The following DIS3L2 variants were observed in gnomAD, a reference collection of about 807,000 sequenced individuals.
The protein encoded by DIS3L2 is DIS3-like exonuclease 2.
Under a neutral mutation model 97.5 loss-of-function variants are expected in DIS3L2, and 34 were observed. The ratio of observed to expected loss-of-function variants is 0.35; its 90% CI spans 0.27 to 0.46. The LOEUF (loss-of-function observed/expected upper bound fraction) is 0.46, where lower values mean the gene tolerates loss of function less well. Ranked by LOEUF, DIS3L2 falls within the 20% of genes least tolerant of loss-of-function variation. The pLI, the probability that DIS3L2 is intolerant of heterozygous loss-of-function variation, is 1.00. For synonymous variants in DIS3L2, 435 were observed against 445.2 expected (o/e 0.98, Z 0.29); for missense variants, 1,038 against 1,146.0 (o/e 0.91, Z 1.36).
At chr2:232,267,398 C>A (rs533050620) in intron 13 of DIS3L2, among the ~76,000 whole-genome samples, 13 of 152,306 alleles carry the variant, frequency 8.5e-5, no homozygotes, top group African/African-American at 3.1e-4. Context: ...GCTTAGAAAG[C>A]AAATGCAGAT....
intron 9 of DIS3L2, 41 bp downstream of exon 9, chr2:232,163,673 C>G: frequency 1.3e-6 from 2 of 1,586,914 alleles, no homozygotes; most frequent in Non-Finnish European, 1.7e-6. Flanking sequence ...ATCTCCCTTT[C>G]TGCCTTAACT....
At chr2:232,096,778 C>A (rs1312787067) in intron 6 of DIS3L2, among the ~76,000 whole-genome samples, 1 of 151,974 alleles carries the variant, frequency 6.6e-6, no homozygotes, top group African/African-American at 2.4e-5. Context: ...TTTTTTTAAT[C>A]ATTTCAATCT....
At position 232,281,891 on chromosome 2, in the gene DIS3L2, C is replaced by T. The variant is rs76887783; in HGVS notation, c.1660-18149C>T. On this transcript the variant is annotated intron_variant, in intron 13 of 20. Transcript: ENST00000325385. This position sits in a 1 kb window ranked among gnomAD's most constrained non-coding sequence, Gnocchi z 4.1. ...TGAGTTAAAGAGACATGGGAAGCAT[C>T]GGGATTGCTCATACCTCCCAAAGTA... Among the ~76,000 whole-genome samples the T allele has an allele frequency of 9.7e-3, 1,481 of 151,900 alleles. 13 individuals carry two copies. Among genetic ancestry groups the T allele is most frequent in the Non-Finnish European group, 0.015 (1,045 of 67,802 alleles).
intron 5 of DIS3L2, among the ~76,000 whole-genome samples, chr2:232,067,191 T>G (rs1400134795): frequency 2.0e-5 from 3 of 152,164 alleles, no homozygotes; most frequent in Admixed American, 1.3e-4. Context: ...TTAAATTAGC[T>G]TCTTATACTT....
chr2:232,054,593 A>G (rs1695493518), intron 5 of DIS3L2, among the ~76,000 whole-genome samples: 1 of 150,144 alleles, frequency 6.7e-6, no homozygotes, highest in South Asian at 2.3e-4. Context: ...AGTAAGTTAA[A>G]TGGCTTTCCT....
intron 8 of DIS3L2, among the ~76,000 whole-genome samples, chr2:232,157,226 G>A (rs1209447850): frequency 6.6e-6 from 1 of 152,158 alleles, no homozygotes; most frequent in Admixed American, 6.5e-5. Flanking sequence ...CAACTGTAGA[G>A]ATGAGCATTA....
chr2:231,997,041 C>T (rs1462019068), intron 1 of DIS3L2, among the ~76,000 whole-genome samples: 1 of 152,212 alleles, frequency 6.6e-6, no homozygotes, highest in Non-Finnish European at 1.5e-5. Flanking sequence ...CTGTCTCCTC[C>T]CCTAGATTGT....
rs1690182783 is a variant in DIS3L2 at position 232,145,096 on chromosome 2, T to C, written c.950+8377T>C. Reference sequence around the variant, plus strand: ...TGTGTAATATTCTGTTTCTGCTTAATTTCACCCATTCATTTTAGCATACAT... The same window carrying C: ...TGTGTAATATTCTGTTTCTGCTTAACTTCACCCATTCATTTTAGCATACAT... On this transcript the variant is annotated intron_variant, in intron 8 of 20. Transcript: ENST00000325385. 2.6e-5 allele frequency among the ~76,000 whole-genome samples: 4 copies of C among 152,344 alleles called. 1 individual carries two copies. In the South Asian group the frequency reaches 6.2e-4, roughly 24 times the overall value.
intron 1 of DIS3L2, among the ~76,000 whole-genome samples, chr2:231,968,636 A>C (rs1226959450): frequency 1.3e-5 from 2 of 152,194 alleles, no homozygotes; most frequent in African/African-American, 4.8e-5. Flanking sequence ...GTTGTTTCCA[A>C]TTTTAGTTAT....
At chr2:232,073,471 A>AC (rs1696094746) in intron 5 of DIS3L2, among the ~76,000 whole-genome samples, 1 of 152,004 alleles carries the variant, frequency 6.6e-6, no homozygotes, top group Non-Finnish European at 1.5e-5. Flanking sequence ...GTTGATAGCA[A>AC]CCCCCTGCCT....
intron 9 of DIS3L2, among the ~76,000 whole-genome samples, chr2:232,189,619 C>T (rs1010083898): frequency 6.6e-6 from 1 of 152,098 alleles, no homozygotes; most frequent in Admixed American, 6.5e-5. Context: ...TTGAGGGATC[C>T]TTGAGACAAT....
intron 5 of DIS3L2, among the ~76,000 whole-genome samples, chr2:232,079,913 G>A (rs1696336855): frequency 6.6e-6 from 1 of 152,194 alleles, no homozygotes; most frequent in South Asian, 2.1e-4. Context: ...AGAACATGAG[G>A]ATAGAAAAAT....
At chr2:232,147,109 A>G (rs1432093413) in intron 8 of DIS3L2, among the ~76,000 whole-genome samples, 1 of 152,094 alleles carries the variant, frequency 6.6e-6, no homozygotes, top group East Asian at 1.9e-4. Flanking sequence ...TTTCTGCTCC[A>G]AGATTTTTAA....
intron 8 of DIS3L2, among the ~76,000 whole-genome samples, chr2:232,142,140 A>C (rs1257365580): frequency 6.6e-6 from 1 of 151,702 alleles, no homozygotes; most frequent in African/African-American, 2.4e-5. Flanking sequence ...GCATTACCAG[A>C]TCTATAGAGT....
intron 13 of DIS3L2, among the ~76,000 whole-genome samples, chr2:232,289,109 C>T (rs1229596331): frequency 6.6e-6 from 1 of 152,060 alleles, no homozygotes; most frequent in Non-Finnish European, 1.5e-5. Context: ...TACAACAAAC[C>T]CCATCGAACA....
chr2:232,210,825 G>A (rs571774877), intron 10 of DIS3L2, among the ~76,000 whole-genome samples: 1 of 151,894 alleles, frequency 6.6e-6, no homozygotes, highest in African/African-American at 2.4e-5. Context: ...CTCTTCAAAG[G>A]CATGCTTCTC....
intron 9 of DIS3L2, among the ~76,000 whole-genome samples, chr2:232,164,976 T>C (rs2106378290): frequency 6.6e-6 from 1 of 152,340 alleles, no homozygotes; most frequent in East Asian, 1.9e-4. Flanking sequence ...GAATAAATGG[T>C]TGAACATTAT....
Position 232,264,447 on chromosome 2 carries a change from G to A in DIS3L2, c.1659+1007G>A, listed in dbSNP as rs188499337. On this transcript the variant is annotated intron_variant, in intron 13 of 20. Transcript: ENST00000325385. ...GCTTGAATTTCCATATCTGAGAGTC[G>A]GTAACTGTTAGGACCCAGGATTTCT... Among the ~76,000 whole-genome samples, 25 of 152,264 alleles carry A rather than the reference G, an allele frequency of 1.6e-4. No homozygotes were observed. In the East Asian group the frequency reaches 2.5e-3, roughly 15 times the overall value.
intron 13 of DIS3L2, among the ~76,000 whole-genome samples, chr2:232,274,717 G>T (rs558100007): frequency 6.6e-6 from 1 of 152,178 alleles, no homozygotes; most frequent in African/African-American, 2.4e-5. Flanking sequence ...TTGAAGACAA[G>T]ATATAATAAG....
Sources: gnomAD v4.1 joint callset for allele counts (sites outside exome capture counted in the v4.1 genomes callset) on GRCh38, gnomAD v4.1.1 for gene constraint, Gnocchi (gnomAD v3.1) non-coding constraint, MANE v1.5 for transcripts, NCBI Gene and HGNC (gene_info 2026-07-23, HGNC 2026-07-21) for gene names.